The following ATOH8 variants were observed in gnomAD, a reference collection of about 807,000 sequenced individuals.
ATOH8 encodes the protein atonal bHLH transcription factor 8.
A neutral mutation model predicts 21.2 loss-of-function variants in ATOH8; 9 were observed. The observed-to-expected ratio is 0.42, with a 90% CI of 0.26 to 0.74. ATOH8 has a LOEUF of 0.74. Ranked by LOEUF, ATOH8 falls within the 30% of genes least tolerant of loss-of-function variation. The pLI, the probability that ATOH8 is intolerant of heterozygous loss-of-function variation, is 0.24. For missense variants in ATOH8, 524 were observed against 470.9 expected, an observed-to-expected ratio of 1.11 and a Z score of -1.04; for synonymous variants, 253 against 224.0, an observed-to-expected ratio of 1.13 and a Z score of -1.16.
rs1254571095 is a variant in ATOH8 at position 85,790,307 on chromosome 2, T to G, written c.*3417T>G. Among the ~76,000 whole-genome samples the G allele has an allele frequency of 2.0e-5, 3 of 152,142 alleles. No individual in the cohort carries two copies. Among genetic ancestry groups the G allele is most frequent in the African/African-American group, 7.2e-5 (3 of 41,404 alleles). On this transcript the variant is annotated 3_prime_UTR_variant, in exon 3 of 3. Transcript: ENST00000306279. ...GTATGTCTGCATGAAGCCCCACGTG[T>G]GCACACCCATCTTCATGTGTGTGTG...
rs371056936 is a variant in ATOH8, at chr2:85,781,567, AAAAT to A, written c.961-5306_961-5303del. 3.9e-3 allele frequency among the ~76,000 whole-genome samples: 596 copies of A among 151,918 alleles called. 6 individuals carry two copies. Among genetic ancestry groups the A allele is most frequent in the African/African-American group, 0.013 (555 of 41,400 alleles). ...GGTGGCAGAGTAAGACTCTGACTGA[AAAAT>A]AAATAAATAAAGATGAGGAAACTGA... On this transcript the variant is annotated intron_variant, in intron 2 of 2. Transcript: ENST00000306279.
rs919864977 is a variant in ATOH8, at chr2:85,789,665, G to A, written c.*2775G>A. 6.6e-6 allele frequency among the ~76,000 whole-genome samples: 1 copy of A among 152,210 alleles called. No individual in the cohort carries two copies. The highest frequency in any genetic ancestry group is 2.1e-4 in the South Asian group (1 of 4,832). On this transcript the variant is annotated 3_prime_UTR_variant, in exon 3 of 3. Coordinates refer to ENST00000306279, the MANE Select transcript of ATOH8 (RefSeq NM_032827.7). ...GCCCAATTTCATCTCCAGAAATTCTGATGTATTGGTCTAGGGTGTTGCCTG... is the reference window on the plus strand; with the variant it reads ...GCCCAATTTCATCTCCAGAAATTCTAATGTATTGGTCTAGGGTGTTGCCTG...
intron 1 of ATOH8, among the ~76,000 whole-genome samples, 170 bp from the exon 2 acceptor site, chr2:85,763,821 C>CGTGTGT (rs61491730): frequency 0.037 from 5,321 of 143,740 alleles, 147 homozygotes; most frequent in South Asian, 0.071. Flanking sequence ...GATGAGCTGA[C>CGTGTGT]GTGTGTGTGT....
chr2:85,774,959 C>G, intron 2 of ATOH8: 7 of 984,496 alleles, frequency 7.1e-6, no homozygotes, highest in Middle Eastern at 5.2e-4. Flanking sequence ...CCAGCTCCTT[C>G]CTCAGGGTGT....
rs956339671 is a variant in ATOH8 at position 85,766,505 on chromosome 2, T to C, written c.960+2323T>C. On this transcript the variant is annotated intron_variant, in intron 2 of 2. Transcript: ENST00000306279. The surrounding 1 kb of genome is among the most constrained non-coding windows in gnomAD (Gnocchi z 4.0). ...CTCACATCATATGTGTGGTGACACA[T>C]TTCTCATATGAAACCACTCAGGAAG... Among the ~76,000 whole-genome samples the C allele has an allele frequency of 2.0e-5, 3 of 152,094 alleles. No individual in the cohort carries two copies. Among genetic ancestry groups the C allele is most frequent in the African/African-American group, 7.2e-5 (3 of 41,392 alleles).
intron 2 of ATOH8, among the ~76,000 whole-genome samples, chr2:85,775,755 G>A (rs890039924): frequency 1.3e-5 from 2 of 152,136 alleles, no homozygotes; most frequent in East Asian, 1.9e-4. Flanking sequence ...CCTCGAACCC[G>A]AGAAAAACAT....
At chr2:85,777,494 A>G (rs1573535224) in intron 2 of ATOH8, among the ~76,000 whole-genome samples, 1 of 152,226 alleles carries the variant, frequency 6.6e-6, no homozygotes, top group Non-Finnish European at 1.5e-5. Flanking sequence ...GTGTCAGGGC[A>G]GAGAGCCGGC....
Position 85,786,999 on chromosome 2 carries a change from C to T in ATOH8, c.*109C>T, listed in dbSNP as rs889688479. On this transcript the variant is annotated 3_prime_UTR_variant, in exon 3 of 3. Transcript: ENST00000306279. Reference sequence around the variant, plus strand: ...CCTCGTGGTCTTCTCCAAGATGCCGCCAGATGCCCAGCCTACAGCCTCTCA... The same window carrying T: ...CCTCGTGGTCTTCTCCAAGATGCCGTCAGATGCCCAGCCTACAGCCTCTCA... 8 of 1,430,826 alleles carry T rather than the reference C, an allele frequency of 5.6e-6. No homozygotes were observed. Among genetic ancestry groups the T allele is most frequent in the Non-Finnish European group, 6.8e-6 (7 of 1,029,646 alleles). The allele number at this position is 1,430,826 out of a possible 1,614,324, so 88.6% of individuals were successfully genotyped here.
At chr2:85,781,082 C>T (rs1418047105) in intron 2 of ATOH8, 2 of 987,932 alleles carry the variant, frequency 2.0e-6, no homozygotes, top group Non-Finnish European at 2.4e-6. Flanking sequence ...GCAAGGATGT[C>T]CAGGCTTGAG....
intron 1 of ATOH8, among the ~76,000 whole-genome samples, chr2:85,758,200 C>T (rs1679770350): frequency 6.6e-6 from 1 of 152,232 alleles, no homozygotes. Context: ...CAGAAATTAG[C>T]ATTCATCACA....
Position 85,785,072 on chromosome 2 carries a change from G to T in ATOH8, c.961-1813G>T, listed in dbSNP as rs530140456. On this transcript the variant is annotated intron_variant, in intron 2 of 2. Transcript: ENST00000306279. The surrounding 1 kb of genome is among the most constrained non-coding windows in gnomAD (Gnocchi z 4.1). The stretch of plus-strand genomic sequence containing the variant: ...CAGCGGGGACTAAGAGCCAACAGAC[G>T]GCTTGGGGCTGGCCCCAGGCTGCCC... 6.6e-6 allele frequency among the ~76,000 whole-genome samples: 1 copy of T among 152,248 alleles called. No homozygotes were observed. The highest frequency in any genetic ancestry group is 6.5e-5 in the Admixed American group (1 of 15,288).
At chr2:85,757,029 G>A (rs1404292229) in intron 1 of ATOH8, among the ~76,000 whole-genome samples, 1 of 152,242 alleles carries the variant, frequency 6.6e-6, no homozygotes, top group Admixed American at 6.5e-5. Flanking sequence ...GCGTGTGTAT[G>A]CAATGCAAAC....
chr2:85,756,369 A>G (rs747777755), intron 1 of ATOH8, among the ~76,000 whole-genome samples: 26 of 152,140 alleles, frequency 1.7e-4, no homozygotes, highest in Non-Finnish European at 2.5e-4. Flanking sequence ...CCCACTCCCC[A>G]GGACAGAAGG....
chr2:85,775,527 A>T (rs1301248186), intron 2 of ATOH8, among the ~76,000 whole-genome samples: 1 of 152,228 alleles, frequency 6.6e-6, no homozygotes, highest in Admixed American at 6.5e-5. Flanking sequence ...GGCATTTTTC[A>T]TAGTTCAGAA....
chr2:85,768,568 C>A (rs944843017), intron 2 of ATOH8, among the ~76,000 whole-genome samples: 1 of 152,204 alleles, frequency 6.6e-6, no homozygotes, highest in African/African-American at 2.4e-5. Context: ...TCCCTCAGAG[C>A]TACTGTGTCC....
chr2:85,781,719 TA>T (rs903916407), intron 2 of ATOH8, among the ~76,000 whole-genome samples: 9 of 149,950 alleles, frequency 6.0e-5, no homozygotes, highest in African/African-American at 1.5e-4. Flanking sequence ...CTACAAAAGA[TA>T]AAAAAAAACT....
chr2:85,763,559 T>C (rs1679923896), intron 1 of ATOH8, among the ~76,000 whole-genome samples: 1 of 152,104 alleles, frequency 6.6e-6, no homozygotes, highest in African/African-American at 2.4e-5. Flanking sequence ...AGGAATCAAG[T>C]CATTCATTGT....
intron 2 of ATOH8, among the ~76,000 whole-genome samples, chr2:85,768,388 G>A (rs1009716597): frequency 1.3e-5 from 2 of 152,162 alleles, no homozygotes; most frequent in Non-Finnish European, 2.9e-5. Flanking sequence ...AAGCCTTAGG[G>A]TAGAGGACTG....
intron 2 of ATOH8, among the ~76,000 whole-genome samples, chr2:85,765,035 A>G (rs1003120771): frequency 1.3e-5 from 2 of 152,218 alleles, no homozygotes; most frequent in African/African-American, 2.4e-5. Context: ...GGGCACAGCT[A>G]TAGGTCCCCA....
Sources: gnomAD v4.1 joint callset for allele counts (sites outside exome capture counted in the v4.1 genomes callset) on GRCh38, gnomAD v4.1.1 for gene constraint, Gnocchi (gnomAD v3.1) non-coding constraint, MANE v1.5 for transcripts, NCBI Gene and HGNC (gene_info 2026-07-23, HGNC 2026-07-21) for gene names.